Variants in EDAR observed in about 807,000 individuals in gnomAD.
EDAR encodes tumor necrosis factor receptor superfamily member EDAR.
In EDAR, 38 loss-of-function variants were observed where a neutral mutation model predicts 51.3. The ratio of observed to expected loss-of-function variants is 0.74; its 90% confidence interval spans 0.57 to 0.97. EDAR has a LOEUF of 0.97. Ranked by LOEUF, EDAR falls within the 50% of genes least tolerant of loss-of-function variation. The pLI is 0.00. For missense variants in EDAR, 528 were observed against 595.0 expected (o/e 0.89, Z 1.17); for synonymous variants, 227 against 242.1 (o/e 0.94, Z 0.58).
intron 5 of EDAR, among the ~76,000 whole-genome samples, chr2:108,915,600 C>A (rs1697012038): frequency 6.6e-6 from 1 of 152,172 alleles, no homozygotes; most frequent in African/African-American, 2.4e-5. Context: ...AACCAGTGTT[C>A]TTATTAGGGA....
intron 1 of EDAR, among the ~76,000 whole-genome samples, chr2:108,976,639 C>T (rs1698326997): frequency 6.6e-6 from 1 of 152,112 alleles, no homozygotes; most frequent in African/African-American, 2.4e-5. Context: ...TCCATCCGTC[C>T]ATTATTTATT....
Position 108,923,464 on chromosome 2 carries a change from G to A in EDAR, c.357-11C>T. 1 of 1,613,648 alleles carries A rather than the reference G, an allele frequency of 6.2e-7. No individual in the cohort carries two copies. The highest frequency in any genetic ancestry group is 2.2e-5 in the East Asian group (1 of 44,880). On this transcript the variant is annotated splice_polypyrimidine_tract_variant and intron_variant, in intron 4 of 11. Transcript: ENST00000258443. The stretch of plus-strand genomic sequence containing the variant: ...TCCAGCATGTAGTAGCTACGGGGGA[G>A]AGACAAGACAAAACAGAGACAGGTG...
At chr2:108,969,350 T>C (rs745894727) in intron 1 of EDAR, among the ~76,000 whole-genome samples, 8 of 152,220 alleles carry the variant, frequency 5.3e-5, no homozygotes, top group Non-Finnish European at 1.2e-4. Flanking sequence ...CTTGCTGCTA[T>C]TGATCTGTAT....
chr2:108,960,392 C>A (rs1425150938), intron 1 of EDAR, among the ~76,000 whole-genome samples: 2 of 152,198 alleles, frequency 1.3e-5, no homozygotes, highest in Non-Finnish European at 2.9e-5. Flanking sequence ...TGATGAATGC[C>A]TCTATGGGTT....
In EDAR at chr2:108,966,470, C is replaced by T. The variant is rs1052751345; in HGVS notation, c.-19+22490G>A. ...ACAGGAAGGCCTATGCCTCATCTCG[C>T]GGGCCCCGGTGCAGTTATGTGGGGT... On this transcript the variant is annotated intron_variant, in intron 1 of 11. Coordinates refer to ENST00000258443, the MANE Select transcript of EDAR (RefSeq NM_022336.4). 2.6e-5 allele frequency among the ~76,000 whole-genome samples: 4 copies of T among 152,322 alleles called. No individual in the cohort carries two copies. The South Asian group carries it at 6.2e-4, about 24-fold the overall frequency.
chr2:108,941,875 A>C (rs1697605202), intron 1 of EDAR, among the ~76,000 whole-genome samples: 1 of 152,192 alleles, frequency 6.6e-6, no homozygotes, highest in African/African-American at 2.4e-5. Context: ...GTGTATGCCC[A>C]AGGAGGCCAG....
intron 1 of EDAR, among the ~76,000 whole-genome samples, chr2:108,962,759 G>T (rs927822379): frequency 6.6e-6 from 1 of 150,702 alleles, no homozygotes; most frequent in Non-Finnish European, 1.5e-5. Flanking sequence ...TTCCTGGCAT[G>T]ACACCATCGC....
chr2:108,920,605 A>G (rs1347525586), intron 5 of EDAR, among the ~76,000 whole-genome samples: 3 of 152,138 alleles, frequency 2.0e-5, no homozygotes, highest in Admixed American at 2.0e-4. Context: ...GTATGTTCCA[A>G]TCCAAGGTGA....
At chr2:108,964,366 C>T (rs1021853478) in intron 1 of EDAR, among the ~76,000 whole-genome samples, 2 of 152,146 alleles carry the variant, frequency 1.3e-5, no homozygotes, top group Non-Finnish European at 2.9e-5. Context: ...CATGATGCCA[C>T]GGCTCCAAAG....
intron 4 of EDAR, among the ~76,000 whole-genome samples, chr2:108,925,165 C>T (rs1174794827): frequency 6.6e-6 from 1 of 151,362 alleles, no homozygotes; most frequent in Non-Finnish European, 1.5e-5. Context: ...CTGGGAGGCC[C>T]TCCAGGGCAA....
At chr2:108,913,115 A>T (rs1383826078) in intron 5 of EDAR, among the ~76,000 whole-genome samples, 1 of 151,370 alleles carries the variant, frequency 6.6e-6, no homozygotes, top group East Asian at 1.9e-4. Flanking sequence ...CACCTGGCTA[A>T]TTTTTTTGTA....
At chr2:108,988,499 G>T (rs1338639051) in intron 1 of EDAR, among the ~76,000 whole-genome samples, 1 of 152,056 alleles carries the variant, frequency 6.6e-6, no homozygotes, top group Non-Finnish European at 1.5e-5. Context: ...TCTCAGACAC[G>T]ACTGGAAACC....
chr2:108,985,475 C>T lies in EDAR; in HGVS notation c.-19+3485G>A, dbSNP rs74637422. 6.5e-3 allele frequency among the ~76,000 whole-genome samples: 987 copies of T among 152,344 alleles called. 10 individuals are homozygous for T. The highest frequency in any genetic ancestry group is 0.022 in the African/African-American group (923 of 41,570). ...GCATCTTCCTCTGTAGGGCTCCTTA[C>T]GGCCCACCTGTTTTCCATAGTCCTC... On this transcript the variant is annotated intron_variant, in intron 1 of 11. Coordinates refer to ENST00000258443, the MANE Select transcript of EDAR (RefSeq NM_022336.4).
intron 1 of EDAR, among the ~76,000 whole-genome samples, chr2:108,973,271 A>G (rs993604794): frequency 6.6e-6 from 1 of 152,144 alleles, no homozygotes; most frequent in African/African-American, 2.4e-5. Flanking sequence ...TACAGGCATG[A>G]GCCACCGCAC....
At chr2:108,943,039 A>C (rs575676330) in intron 1 of EDAR, among the ~76,000 whole-genome samples, 1 of 152,236 alleles carries the variant, frequency 6.6e-6, no homozygotes, top group Non-Finnish European at 1.5e-5. Flanking sequence ...GGCTATAAAT[A>C]ACCATTACAT....
At chr2:108,939,089 C>G (rs1047629869) in intron 1 of EDAR, among the ~76,000 whole-genome samples, 1 of 152,000 alleles carries the variant, frequency 6.6e-6, no homozygotes, top group African/African-American at 2.4e-5. Flanking sequence ...CTCTAGGACT[C>G]TTATATAAGC....
chr2:108,924,414 TGCTCAGCGGAGAGCA>T (rs1298144740), intron 4 of EDAR, among the ~76,000 whole-genome samples: 1 of 152,212 alleles, frequency 6.6e-6, no homozygotes, highest in African/African-American at 2.4e-5. Flanking sequence ...CATAAACAAA[TGCTCAGCGGAGAGCA>T]TGGAGCCATT....
rs376583477 is a variant in EDAR, at chr2:108,938,653, T to A, written c.-18-7621A>T. Among the ~76,000 whole-genome samples the A allele has an allele frequency of 9.2e-5, 14 of 151,888 alleles. No homozygotes were observed. In the East Asian group the frequency reaches 2.1e-3, roughly 23 times the overall value. On this transcript the variant is annotated intron_variant, in intron 1 of 11. Coordinates refer to ENST00000258443, the MANE Select transcript of EDAR (RefSeq NM_022336.4). ...TGTCGAACTGACAAGCTTGGAGAAG[T>A]TTTGAAAAAAAAAATCCCTACTTTT...
chr2:108,907,679 A>T (rs1696837576), intron 10 of EDAR, among the ~76,000 whole-genome samples, 181 bp downstream of exon 10: 2 of 151,884 alleles, frequency 1.3e-5, no homozygotes, highest in Admixed American at 1.3e-4. Flanking sequence ...CAAAAACGAA[A>T]GGGTTTTTTT....
Sources: gnomAD v4.1 joint callset for allele counts (sites outside exome capture counted in the v4.1 genomes callset) on GRCh38, gnomAD v4.1.1 for gene constraint, MANE v1.5 for transcripts, NCBI Gene and HGNC (gene_info 2026-07-23, HGNC 2026-07-21) for gene names.